GSK3B: variants seen among roughly 807,000 people sequenced by gnomAD.
GSK3B encodes the protein glycogen synthase kinase-3 beta.
Under a neutral mutation model 56.4 loss-of-function variants are expected in GSK3B, and 15 were observed. The ratio of observed to expected loss-of-function variants is 0.27; its 90% CI spans 0.18 to 0.41. The LOEUF is 0.41. Among genes scored for constraint, GSK3B ranks in the 10% least tolerant of loss-of-function variants. GSK3B has a pLI of 1.00. For missense variants in GSK3B, 300 were observed against 513.4 expected, an observed-to-expected ratio of 0.58 and a Z score of 4.02; for synonymous variants, 181 against 188.9, an observed-to-expected ratio of 0.96 and a Z score of 0.34.
chr3:120,080,145 G>T (rs892469645), intron 1 of GSK3B, among the ~76,000 whole-genome samples: 11 of 152,020 alleles, frequency 7.2e-5, no homozygotes, highest in African/African-American at 2.2e-4. Flanking sequence ...ACAAAAATGA[G>T]CCAGGCATGG....
At chr3:119,965,038 C>CTTTTTTTTTTTTTTTT (rs573903125) in intron 2 of GSK3B, among the ~76,000 whole-genome samples, 5 of 125,622 alleles carry the variant, frequency 4.0e-5, no homozygotes, top group Non-Finnish European at 6.8e-5. Context: ...ATTATGTTTT[C>CTTTTTTTTTTTTTTTT]TTTTTTTTTT....
At chr3:119,951,941 T>C (rs1156699217) in intron 2 of GSK3B, among the ~76,000 whole-genome samples, 1 of 150,086 alleles carries the variant, frequency 6.7e-6, no homozygotes, top group African/African-American at 2.4e-5. Flanking sequence ...CAAGAAAATA[T>C]TTGAGATGGC....
intron 10 of GSK3B, among the ~76,000 whole-genome samples, chr3:119,837,943 CATAT>C (rs10574860): frequency 0.34 from 47,021 of 138,336 alleles, 8,008 homozygotes; most frequent in East Asian, 0.41. Context: ...TGACCATTCA[CATAT>C]ATATATATAT....
chr3:119,870,784 G>A (rs2056241287), intron 8 of GSK3B, among the ~76,000 whole-genome samples: 2 of 152,208 alleles, frequency 1.3e-5, no homozygotes, highest in South Asian at 4.2e-4. Flanking sequence ...CAGGGCAGAG[G>A]GGGGTTGAAT....
chr3:119,852,337 T>TA (rs778591797), intron 9 of GSK3B, among the ~76,000 whole-genome samples: 3 of 151,978 alleles, frequency 2.0e-5, no homozygotes, highest in Non-Finnish European at 4.4e-5. Flanking sequence ...TTGAAAATCT[T>TA]ATATTCAGAA....
chr3:119,836,753 A>C (rs1406593624), intron 10 of GSK3B, among the ~76,000 whole-genome samples: 1 of 152,250 alleles, frequency 6.6e-6, no homozygotes. Context: ...AAGAGGAATG[A>C]CCAATCACTA....
chr3:120,078,226 T>C (rs1413137004), intron 1 of GSK3B, among the ~76,000 whole-genome samples: 2 of 152,176 alleles, frequency 1.3e-5, no homozygotes, highest in African/African-American at 4.8e-5. Flanking sequence ...TTCTCAGCTA[T>C]ATGTAAGAAA....
At chr3:119,995,557 C>T (rs894159447) in intron 2 of GSK3B, among the ~76,000 whole-genome samples, 10 of 151,792 alleles carry the variant, frequency 6.6e-5, no homozygotes, top group Admixed American at 6.6e-4. Context: ...CTCCGCTTCC[C>T]GGGTTCAAGT....
chr3:120,038,681 A>T (rs902003930), intron 1 of GSK3B, among the ~76,000 whole-genome samples: 1 of 152,212 alleles, frequency 6.6e-6, no homozygotes, highest in African/African-American at 2.4e-5. Context: ...CACAAAAATT[A>T]AAAAATTAGC....
At chr3:119,890,485 A>G (rs1290375824) in intron 7 of GSK3B, among the ~76,000 whole-genome samples, 2 of 152,126 alleles carry the variant, frequency 1.3e-5, no homozygotes, top group African/African-American at 4.8e-5. Flanking sequence ...GAAACTGACC[A>G]CAAAGGAGAA....
At position 120,084,344 on chromosome 3, in the gene GSK3B, G is replaced by GA. The variant is rs1417689931; in HGVS notation, c.88+9002dup. ...AATAAGACAAAAAAATTAATTTTAAGAAATAGATAAAAAGCATATAATTAA... is the reference window on the plus strand; with the variant it reads ...AATAAGACAAAAAAATTAATTTTAAGAAAATAGATAAAAAGCATATAATTAA... On this transcript the variant is annotated intron_variant, in intron 1 of 10. Transcript: ENST00000264235. Among the ~76,000 whole-genome samples the GA allele has an allele frequency of 3.3e-5, 5 of 152,160 alleles. No individual in the cohort carries two copies. In the East Asian group the frequency reaches 9.6e-4, roughly 29 times the overall value.
At chr3:119,885,433 C>T (rs942177821) in intron 7 of GSK3B, among the ~76,000 whole-genome samples, 1 of 152,024 alleles carries the variant, frequency 6.6e-6, no homozygotes, top group Admixed American at 6.6e-5. Flanking sequence ...GTTAAAACGG[C>T]CATACTGCCC....
At chr3:119,925,305 G>A (rs1232911292) in intron 3 of GSK3B, among the ~76,000 whole-genome samples, 1 of 152,212 alleles carries the variant, frequency 6.6e-6, no homozygotes, top group Non-Finnish European at 1.5e-5. Flanking sequence ...TCCAGTCTGG[G>A]TGACAGAGCC....
At chr3:119,880,858 C>T (rs1271191182) in intron 7 of GSK3B, among the ~76,000 whole-genome samples, 3 of 151,998 alleles carry the variant, frequency 2.0e-5, no homozygotes, top group Non-Finnish European at 4.4e-5. Context: ...TCAACAATTC[C>T]GTCACATGCA....
chr3:120,084,723 T>G (rs1157944637), intron 1 of GSK3B: 1 of 152,228 alleles, frequency 6.6e-6, no homozygotes. Context: ...AAACATCTAT[T>G]TTAAATGTGC....
chr3:119,977,111 A>G (rs1229371637), intron 2 of GSK3B, among the ~76,000 whole-genome samples: 1 of 152,202 alleles, frequency 6.6e-6, no homozygotes, highest in African/African-American at 2.4e-5. Flanking sequence ...AGCAAACTCA[A>G]TACAGTTCTT....
Position 120,093,575 on chromosome 3 carries a change from T to C in GSK3B, c.-141A>G. On this transcript the variant is annotated 5_prime_UTR_variant, in exon 1 of 11. Transcript: ENST00000264235. ...AAGAAAAAGACTTCGTCCTCTTGGCTTTTCACTCCTTTTGTATACTATAAA... is the reference window on the plus strand; with the variant it reads ...AAGAAAAAGACTTCGTCCTCTTGGCCTTTCACTCCTTTTGTATACTATAAA... 1.7e-6 allele frequency: 1 copy of C among 600,022 alleles called. No individual in the cohort carries two copies. Among genetic ancestry groups the C allele is most frequent in the Non-Finnish European group, 3.0e-6 (1 of 333,750 alleles). The allele number at this position is 600,022 out of a possible 1,614,324, so 37.2% of individuals were successfully genotyped here.
chr3:119,848,271 T>G (rs1427230734), intron 9 of GSK3B, among the ~76,000 whole-genome samples: 1 of 152,210 alleles, frequency 6.6e-6, no homozygotes, highest in Admixed American at 6.5e-5. Context: ...ATTTAGCCTG[T>G]AAGTACTAAT....
intron 1 of GSK3B, among the ~76,000 whole-genome samples, chr3:120,067,307 T>C (rs1224218223): frequency 1.3e-5 from 2 of 149,622 alleles, no homozygotes; most frequent in Non-Finnish European, 3.0e-5. Flanking sequence ...GAAATACAAA[T>C]GCTCCCTGAC....
Sources: gnomAD v4.1 joint callset for allele counts (sites outside exome capture counted in the v4.1 genomes callset) on GRCh38, gnomAD v4.1.1 for gene constraint, MANE v1.5 for transcripts, NCBI Gene and HGNC (gene_info 2026-07-23, HGNC 2026-07-21) for gene names.